The following HAO1 variants were observed in gnomAD, a reference collection of about 807,000 sequenced individuals.
The protein encoded by HAO1 is 2-Hydroxyacid oxidase 1.
HAO1 carries 34 observed loss-of-function variants against 39.7 expected under a neutral mutation model. The observed-to-expected ratio is 0.86, with a 90% confidence interval of 0.65 to 1.14. HAO1 has a LOEUF of 1.14. HAO1 is among the 50% of genes most tolerant of loss of function. The probability of loss-of-function intolerance (pLI) is 0.00; values close to 1 mark genes in which losing one functional copy is unlikely to be tolerated. For synonymous variants in HAO1, 172 were observed against 173.2 expected (o/e 0.99, Z 0.05); for missense variants, 479 against 464.5 (o/e 1.03, Z -0.29).
chr20:7,923,423 T>A lies in HAO1; in HGVS notation c.290-9004A>T, dbSNP rs1158309622. Among the ~76,000 whole-genome samples the A allele has an allele frequency of 2.6e-5, 4 of 152,254 alleles. No homozygotes were observed. The East Asian group carries it at 7.7e-4, about 29-fold the overall frequency. ...AAGCAAAAATAGGAAATCCATTGTG[T>A]ACATAAATTTTAGGGGCCTGCATAC... On this transcript the variant is annotated intron_variant, in intron 2 of 7. Transcript: ENST00000378789.
intron 2 of HAO1, among the ~76,000 whole-genome samples, chr20:7,930,836 C>A (rs1204937747): frequency 1.3e-5 from 2 of 152,124 alleles, no homozygotes; most frequent in Admixed American, 1.3e-4. Flanking sequence ...TAATGTCAGG[C>A]AAAAAGTGGT....
chr20:7,925,045 C>A (rs2050353016), intron 2 of HAO1, among the ~76,000 whole-genome samples: 1 of 152,122 alleles, frequency 6.6e-6, no homozygotes, highest in Admixed American at 6.6e-5. Context: ...CCTATCTTCA[C>A]AGGGGAACTA....
Position 7,914,201 on chromosome 20 carries a change from C to T in HAO1, c.508G>A (p.Asp170Asn). The T allele has an allele frequency of 6.2e-7, 1 of 1,614,048 alleles. No individual in the cohort carries two copies. Among genetic ancestry groups the T allele is most frequent in the Non-Finnish European group, 8.5e-7 (1 of 1,179,972 alleles). ...DTPYLGNRLDDVRNRFKLPPQ... is the reference protein window; with the variant it reads ...DTPYLGNRLDNVRNRFKLPPQ... ...GGCAGTTTGAATCTGTTACGCACAT[C>T]ATCCAGACGGTTGCCCAGGTAAGGT... The change falls in exon 3 of 8, where the codon GAT (aspartate) becomes AAT (asparagine). Residue 170 changes from aspartate to asparagine, a missense_variant. Physicochemically the swap from Asp to Asn is conservative, Grantham distance 23. Transcript: ENST00000378789.
intron 2 of HAO1, among the ~76,000 whole-genome samples, chr20:7,916,445 A>T (rs2050307477): frequency 6.6e-6 from 1 of 152,212 alleles, no homozygotes; most frequent in South Asian, 2.1e-4. Flanking sequence ...TTATAAAGCT[A>T]TAATGAGAGG....
At position 7,914,367 on chromosome 20, in the gene HAO1, TG is replaced by T; in HGVS notation, c.341del (p.Ser114Ter). 6.2e-7 allele frequency: 1 copy of T among 1,613,914 alleles called. No individual in the cohort carries two copies. ...GMMLSSWATSSIEEVAEAGPE... is the reference protein window; with the variant it reads ...GMMLSSWATSXIEEVAEAGPE... ...GACCAGCTTCCGCCACTTCTTCAAT[TG>T]AGGAGGTGGCCCAGGAACTCAACAT... On this transcript the variant is annotated frameshift_variant, in exon 3 of 8. Coordinates refer to ENST00000378789, the MANE Select transcript of HAO1 (RefSeq NM_017545.3). LOFTEE classifies it high-confidence loss of function.
At chr20:7,914,956 T>TA (rs1342058883) in intron 2 of HAO1, among the ~76,000 whole-genome samples, 4 of 152,044 alleles carry the variant, frequency 2.6e-5, no homozygotes, top group South Asian at 2.1e-4. Flanking sequence ...CCATCTCTAC[T>TA]AAAAAAACAC....
intron 2 of HAO1, among the ~76,000 whole-genome samples, chr20:7,922,316 C>A (rs776496896): frequency 1.3e-5 from 2 of 151,918 alleles, no homozygotes; most frequent in Non-Finnish European, 2.9e-5. Flanking sequence ...GGTGAAGATG[C>A]AAAGAAAAGG....
intron 3 of HAO1, among the ~76,000 whole-genome samples, chr20:7,908,655 G>A (rs2050260756): frequency 2.0e-5 from 3 of 152,170 alleles, no homozygotes; most frequent in South Asian, 2.1e-4. Flanking sequence ...ATAGTTTCAC[G>A]GACTCAGATG....
chr20:7,887,547 A>T lies in HAO1; in HGVS notation c.814-1683T>A, dbSNP rs186496948. On this transcript the variant is annotated intron_variant, in intron 5 of 7. Coordinates refer to ENST00000378789, the MANE Select transcript of HAO1 (RefSeq NM_017545.3). The stretch of plus-strand genomic sequence containing the variant: ...CCAAACATGCTTTGGATCTATTTAC[A>T]TATGTCCCTTTTCCTATACATAGCC... Among the ~76,000 whole-genome samples the T allele has an allele frequency of 1.6e-4, 25 of 152,278 alleles. 1 individual carries two copies. The East Asian group carries it at 4.4e-3, about 27-fold the overall frequency.
chr20:7,902,347 A>G (rs2050224658), intron 4 of HAO1, among the ~76,000 whole-genome samples: 1 of 152,182 alleles, frequency 6.6e-6, no homozygotes, highest in Non-Finnish European at 1.5e-5. Context: ...AGCAACCACT[A>G]CCCTGATCAG....
intron 2 of HAO1, among the ~76,000 whole-genome samples, chr20:7,929,126 T>G (rs1217777833): frequency 6.6e-6 from 1 of 152,128 alleles, no homozygotes; most frequent in Non-Finnish European, 1.5e-5. Flanking sequence ...GACATTTACA[T>G]TACAAGCCTG....
chr20:7,918,020 A>C (rs1389631682), intron 2 of HAO1, among the ~76,000 whole-genome samples: 2 of 152,178 alleles, frequency 1.3e-5, no homozygotes, highest in East Asian at 3.8e-4. Flanking sequence ...CTCAGTGATT[A>C]TTTTCCAATA....
Position 7,885,614 on chromosome 20 carries a change from G to A in HAO1, c.973-24C>T, listed in dbSNP as rs2272813. ...CCCTAACCAAGTGAAAAGATACAGAGTGATTCAGAACTAAATCAGTCTGAC... is the reference window on the plus strand; with the variant it reads ...CCCTAACCAAGTGAAAAGATACAGAATGATTCAGAACTAAATCAGTCTGAC... On this transcript the variant is annotated intron_variant, in intron 6 of 7. Coordinates refer to ENST00000378789, the MANE Select transcript of HAO1 (RefSeq NM_017545.3). 2.6e-6 allele frequency: 4 copies of A among 1,568,076 alleles called. No individual in the cohort carries two copies. In the South Asian group the frequency reaches 3.3e-5, roughly 13 times the overall value.
Position 7,885,709 on chromosome 20 carries a change from G to T in HAO1, c.969C>A (p.Phe323Leu), listed in dbSNP as rs762736497. The change falls in exon 6 of 8, where the codon TTC (phenylalanine) becomes TTA (leucine). Residue 323 changes from phenylalanine to leucine, a missense_variant. Transcript: ENST00000378789. ...ATTCATTTCTTTGTCCAGTTACCTG[G>T]AAAGCTAAGCCCCAAACGATTGGTC... ...VGRPIVWGLA[F>L]QGEKGVQDVL... The T allele has an allele frequency of 1.9e-6, 3 of 1,611,342 alleles. No homozygotes were observed. The East Asian group carries it at 6.7e-5, about 36-fold the overall frequency.
chr20:7,890,326 G>T (rs1386498944), intron 5 of HAO1, among the ~76,000 whole-genome samples: 1 of 151,942 alleles, frequency 6.6e-6, no homozygotes, highest in Admixed American at 6.6e-5. Flanking sequence ...TGATTCTCCT[G>T]CCTCGGCCTC....
At chr20:7,930,316 G>T (rs1483301974) in intron 2 of HAO1, among the ~76,000 whole-genome samples, 1 of 152,070 alleles carries the variant, frequency 6.6e-6, no homozygotes. Flanking sequence ...TGCTTGAGAG[G>T]ATTTCCATAT....
chr20:7,899,674 A>G (rs1192153681), intron 4 of HAO1, among the ~76,000 whole-genome samples: 1 of 152,180 alleles, frequency 6.6e-6, no homozygotes, highest in Admixed American at 6.5e-5. Context: ...ATAATTTATA[A>G]CCAGATATAA....
intron 2 of HAO1, among the ~76,000 whole-genome samples, chr20:7,928,528 T>C (rs191779331): frequency 1.3e-5 from 2 of 151,922 alleles, no homozygotes; most frequent in Admixed American, 1.3e-4. Flanking sequence ...AGCAGAACTA[T>C]TTAAAGAACT....
At chr20:7,912,117 G>C (rs1292086969) in intron 3 of HAO1, among the ~76,000 whole-genome samples, 1 of 152,176 alleles carries the variant, frequency 6.6e-6, no homozygotes, top group African/African-American at 2.4e-5. Context: ...ATCATCTTCA[G>C]ACCGGAGATG....
Sources: allele counts gnomAD v4.1 joint callset (sites outside exome capture counted in the v4.1 genomes callset), GRCh38; gene constraint gnomAD v4.1.1; transcripts MANE v1.5; gene names NCBI Gene and HGNC (gene_info 2026-07-23, HGNC 2026-07-21).